Variants in DIP2C observed in about 807,000 individuals in gnomAD.
The protein encoded by DIP2C is DIP2 acetate--CoA ligase C (putative).
DIP2C carries 33 observed loss-of-function variants against 192.4 expected under a neutral mutation model. The ratio of observed to expected loss-of-function variants is 0.17; its 90% CI spans 0.13 to 0.23. The LOEUF is 0.23. Among genes scored for constraint, DIP2C ranks in the 10% least tolerant of loss-of-function variants. DIP2C has a pLI of 1.00. For synonymous variants in DIP2C, 979 were observed against 864.1 expected, an observed-to-expected ratio of 1.13 and a Z score of -2.33; for missense variants, 1,537 against 2,110.1, an observed-to-expected ratio of 0.73 and a Z score of 5.32.
intron 1 of DIP2C, among the ~76,000 whole-genome samples, chr10:524,816 T>TA (rs1232675276): frequency 6.6e-6 from 1 of 152,112 alleles, no homozygotes; most frequent in East Asian, 1.9e-4. Context: ...CATCACTGAT[T>TA]AAGAAAAACT....
At chr10:654,620 G>A (rs1856166544) in intron 1 of DIP2C, among the ~76,000 whole-genome samples, 1 of 152,080 alleles carries the variant, frequency 6.6e-6, no homozygotes, top group African/African-American at 2.4e-5. Context: ...TACCAAAGAG[G>A]ACCATCAAAT....
intron 4 of DIP2C, among the ~76,000 whole-genome samples, chr10:427,885 AAG>A (rs1966696877): frequency 2.0e-5 from 3 of 152,228 alleles, no homozygotes; most frequent in East Asian, 1.9e-4. Flanking sequence ...AACTTACAAT[AAG>A]AGTCAATCAT....
At chr10:639,332 G>C in intron 1 of DIP2C, among the ~76,000 whole-genome samples, 1 of 137,232 alleles carries the variant, frequency 7.3e-6, no homozygotes, top group Non-Finnish European at 1.6e-5. Flanking sequence ...TCCACACGTG[G>C]GGATGTGTCA....
chr10:560,693 C>T (rs1477678712), intron 1 of DIP2C, among the ~76,000 whole-genome samples: 1 of 152,212 alleles, frequency 6.6e-6, no homozygotes, highest in Non-Finnish European at 1.5e-5. Context: ...AACGTAATCA[C>T]TTTCTGGTTG....
rs1485015479 is a variant in DIP2C, at chr10:548,519, G to GAGGGAGGC, written c.86-61990_86-61989insGCCTCCCT. 8.1e-3 allele frequency among the ~76,000 whole-genome samples: 897 copies of GAGGGAGGC among 110,606 alleles called. 14 individuals are homozygous for GAGGGAGGC. The highest frequency in any genetic ancestry group is 0.042 in the African/African-American group (837 of 19,734). 72.6% of individuals were successfully genotyped at this position (110,606 alleles called of 152,430 possible). A position where few individuals can be genotyped will look rare whatever the true frequency, so the allele number is the denominator to read the frequency against. On this transcript the variant is annotated intron_variant, in intron 1 of 36. Transcript: ENST00000280886. ...GTGATGTGGCCAGGAGGGAGGGAGG[G>GAGGGAGGC]AGGCAGGCAGGCAGGCAGGCAGGCA... is the stretch of plus-strand genomic sequence containing the variant.
chr10:317,251 T>A (rs539900209), intron 31 of DIP2C, among the ~76,000 whole-genome samples: 2 of 152,348 alleles, frequency 1.3e-5, no homozygotes, highest in South Asian at 4.1e-4. Context: ...TGAACTCAGC[T>A]CAGGCCGTCT....
intron 1 of DIP2C, among the ~76,000 whole-genome samples, chr10:547,757 G>A (rs1004207499): frequency 6.6e-6 from 1 of 152,112 alleles, no homozygotes; most frequent in East Asian, 1.9e-4. Flanking sequence ...TCATCTCTCA[G>A]TTTATACATG....
chr10:356,571 G>A (rs1031545014), intron 23 of DIP2C, 65 bp from the exon 24 acceptor site: 3 of 1,378,122 alleles, frequency 2.2e-6, no homozygotes, highest in Non-Finnish European at 3.0e-6. Context: ...GGGCTGAGGT[G>A]GGGCAACCTG....
At chr10:369,710 T>C (rs1158942838) in intron 17 of DIP2C, 77 bp from the exon 18 acceptor site, 2 of 1,609,100 alleles carry the variant, frequency 1.2e-6, no homozygotes, top group Non-Finnish European at 1.7e-6. Flanking sequence ...TCAGCACACA[T>C]GCGGCAGGCT....
chr10:451,583 G>C (rs1270624630), intron 3 of DIP2C, among the ~76,000 whole-genome samples: 7 of 152,156 alleles, frequency 4.6e-5, no homozygotes, highest in Non-Finnish European at 1.0e-4. Flanking sequence ...GCTTGTGTTA[G>C]AAGCAATTTT....
chr10:670,742 G>A (rs1830594110), intron 1 of DIP2C, among the ~76,000 whole-genome samples: 1 of 152,142 alleles, frequency 6.6e-6, no homozygotes, highest in South Asian at 2.1e-4. Flanking sequence ...ACAAAAGAAA[G>A]TCACAGTCCT....
chr10:292,423 C>T (rs969582022), intron 32 of DIP2C, among the ~76,000 whole-genome samples: 2 of 152,226 alleles, frequency 1.3e-5, no homozygotes, highest in East Asian at 1.9e-4. Context: ...TTTCATCCTA[C>T]GCTGTCAAGT....
At chr10:281,161 G>A (rs1954800434) in intron 36 of DIP2C, 39 bp downstream of exon 36, 1 of 1,607,368 alleles carries the variant, frequency 6.2e-7, no homozygotes, top group Non-Finnish European at 8.5e-7. Context: ...CACAAACTCT[G>A]CTCCTGATTT....
At chr10:442,251 T>C (rs1226309785) in intron 3 of DIP2C, among the ~76,000 whole-genome samples, 1 of 152,140 alleles carries the variant, frequency 6.6e-6, no homozygotes, top group African/African-American at 2.4e-5. Context: ...ATGTCTTTCC[T>C]GCTTAAACCC....
intron 17 of DIP2C, among the ~76,000 whole-genome samples, chr10:382,211 G>C (rs1421768042): frequency 6.6e-6 from 1 of 152,134 alleles, no homozygotes; most frequent in Non-Finnish European, 1.5e-5. Flanking sequence ...CTATACACCA[G>C]AGACAGACAA....
intron 1 of DIP2C, among the ~76,000 whole-genome samples, chr10:574,421 C>G (rs757363292): frequency 3.4e-4 from 52 of 152,176 alleles, no homozygotes; most frequent in African/African-American, 1.2e-3. Context: ...TTTCAACATG[C>G]TAACGATGAA....
intron 1 of DIP2C, among the ~76,000 whole-genome samples, chr10:578,390 T>C (rs1359647873): frequency 6.6e-6 from 1 of 152,210 alleles, no homozygotes; most frequent in Non-Finnish European, 1.5e-5. Context: ...GCTGACAAAG[T>C]TGTGATATGG....
chr10:390,954 C>G, intron 10 of DIP2C, 91 bp from the exon 11 acceptor site: 3 of 1,535,458 alleles, frequency 2.0e-6, no homozygotes, highest in Non-Finnish European at 2.6e-6. Context: ...CACAGACCCT[C>G]GAGTCTGCAG....
At chr10:445,642 GGGC>G (rs879887815) in intron 3 of DIP2C, among the ~76,000 whole-genome samples, 23,609 of 150,710 alleles carry the variant, frequency 0.16, 4,921 homozygotes, top group African/African-American at 0.48. Context: ...ATCTTGCACT[GGGC>G]ATCTGTATAC....
Sources: gnomAD v4.1 joint callset for allele counts (sites outside exome capture counted in the v4.1 genomes callset) on GRCh38, gnomAD v4.1.1 for gene constraint, MANE v1.5 for transcripts, NCBI Gene and HGNC (gene_info 2026-07-23, HGNC 2026-07-21) for gene names.